IKBIP: variants seen among roughly 807,000 people sequenced by gnomAD.
IKBIP encodes the protein IKBKB interacting protein.
In IKBIP, 28 loss-of-function variants were observed where a neutral mutation model predicts 31.0. That is an observed-to-expected ratio of 0.90 (90% CI 0.67 to 1.24). The LOEUF is 1.24. IKBIP is among the 50% of genes most tolerant of loss of function. The probability of loss-of-function intolerance (pLI) is 0.00; values close to 1 mark genes in which losing one functional copy is unlikely to be tolerated. For missense variants in IKBIP, 453 were observed against 441.9 expected (o/e 1.03, Z -0.23); for synonymous variants, 164 against 160.3 (o/e 1.02, Z -0.17).
downstream of IKBIP, among the ~76,000 whole-genome samples, chr12:98,622,579 C>T (rs1254356023): frequency 6.6e-6 from 1 of 151,148 alleles, no homozygotes; most frequent in Non-Finnish European, 1.5e-5. Flanking sequence ...ATTTGTAGAG[C>T]TTTTGTCAAC....
intron 2 of IKBIP, among the ~76,000 whole-genome samples, chr12:98,617,914 ACTTT>A (rs1309141334): frequency 6.6e-6 from 1 of 152,212 alleles, no homozygotes; most frequent in African/African-American, 2.4e-5. Flanking sequence ...GGAAATTATA[ACTTT>A]CTATTAATAA....
At chr12:98,629,932 A>T (rs1174231854) in intron 2 of IKBIP, among the ~76,000 whole-genome samples, 1 of 152,042 alleles carries the variant, frequency 6.6e-6, no homozygotes, top group Non-Finnish European at 1.5e-5. Flanking sequence ...TTTCATTTTT[A>T]TTTACTAAAA....
At chr12:98,622,496 T>C (rs2097610927), downstream of IKBIP, among the ~76,000 whole-genome samples, 1 of 152,208 alleles carries the variant, frequency 6.6e-6, no homozygotes, top group Non-Finnish European at 1.5e-5. Flanking sequence ...CACTCCAGCC[T>C]GGGTGACAGA....
exon 3 of IKBIP, chr12:98,613,906 C>T: frequency 6.2e-7 from 1 of 1,613,770 alleles, no homozygotes; most frequent in Non-Finnish European, 8.5e-7. Flanking sequence ...CGGTTAGCGT[C>T]TTCTTAACAG....
chr12:98,632,969 T>G (rs1442676219), intron 2 of IKBIP, among the ~76,000 whole-genome samples: 1 of 152,058 alleles, frequency 6.6e-6, no homozygotes, highest in African/African-American at 2.4e-5. Flanking sequence ...CCAACTCCTT[T>G]GCAGCTCCTT....
intron 2 of IKBIP, among the ~76,000 whole-genome samples, chr12:98,615,186 AT>A (rs1016024860): frequency 6.6e-6 from 1 of 151,356 alleles, no homozygotes; most frequent in African/African-American, 2.4e-5. Context: ...CACCTCATGT[AT>A]TTTTTTTTGT....
chr12:98,618,624 T>G (rs1360158401), intron 2 of IKBIP, among the ~76,000 whole-genome samples: 2 of 101,780 alleles, frequency 2.0e-5, no homozygotes, highest in Non-Finnish European at 4.1e-5. Flanking sequence ...AGACTCTGTC[T>G]CAAAAAAAAA....
chr12:98,626,108 A>G lies in IKBIP; in HGVS notation c.956T>C (p.Met319Thr). 2 of 1,603,242 alleles carry G rather than the reference A, an allele frequency of 1.2e-6. No individual in the cohort carries two copies. Among genetic ancestry groups the G allele is most frequent in the Non-Finnish European group, 1.7e-6 (2 of 1,173,458 alleles). The change falls in exon 3 of 3, where the codon ATG becomes ACG. Residue 319 changes from methionine to threonine, a missense_variant. By Grantham distance (81) the Met-to-Thr change is moderately conservative (BLOSUM62 -1). Transcript: ENST00000299157. ...DDMLKAVSEI[M>T]EMQKTLEGIQ... The stretch of plus-strand genomic sequence containing the variant: ...TCCTTCAAGGGTTTTCTGCATCTCC[A>G]TTATTTCAGACACTGCTTTCAGCAT...
chr12:98,614,274 G>A, exon 3 of IKBIP: 1 of 1,608,714 alleles, frequency 6.2e-7, no homozygotes, highest in Non-Finnish European at 8.5e-7. Context: ...TCTTCCTGTA[G>A]ACGCTTTAGA....
chr12:98,621,951 C>T (rs1238246935), downstream of IKBIP, among the ~76,000 whole-genome samples: 1 of 152,038 alleles, frequency 6.6e-6, no homozygotes, highest in Admixed American at 6.6e-5. Context: ...TGGCGCATGC[C>T]TGTAGTCTCA....
At chr12:98,644,426 A>G in intron 1 of IKBIP, 97 bp downstream of exon 1, 1 of 1,190,126 alleles carries the variant, frequency 8.4e-7, no homozygotes. Context: ...CAGGTCTGGG[A>G]GGTTGGATCA....
chr12:98,639,454 A>G (rs1049605179), intron 1 of IKBIP, among the ~76,000 whole-genome samples: 4 of 152,196 alleles, frequency 2.6e-5, no homozygotes, highest in African/African-American at 9.7e-5. Context: ...CTATCATATC[A>G]TATGGCCTTG....
chr12:98,624,345 G>A lies in IKBIP; in HGVS notation c.*1585C>T. On this transcript the variant is annotated 3_prime_UTR_variant, in exon 3 of 3. Transcript: ENST00000299157. ...AAGAGACATTCAGAAGTCAAGAAGT[G>A]TAATTTTAAGACTGCAAAAATTAAT... 5.1e-6 allele frequency: 5 copies of A among 984,006 alleles called. No individual in the cohort carries two copies. Among genetic ancestry groups the A allele is most frequent in the Non-Finnish European group, 6.0e-6 (5 of 828,686 alleles). 61.0% of individuals were successfully genotyped at this position (984,006 alleles called of 1,614,324 possible). A position where few individuals can be genotyped will look rare whatever the true frequency, so the allele number is the denominator to read the frequency against.
chr12:98,623,952 G>C (rs1007133627), downstream of IKBIP, among the ~76,000 whole-genome samples: 1 of 150,870 alleles, frequency 6.6e-6, no homozygotes, highest in Non-Finnish European at 1.5e-5. Flanking sequence ...ATAAATACAG[G>C]ATATATCTAT....
Position 98,626,248 on chromosome 12 carries a change from A to G in IKBIP, c.816T>C (p.His272=). 1 of 1,614,136 alleles carries G rather than the reference A, an allele frequency of 6.2e-7. No homozygotes were observed. Among genetic ancestry groups the G allele is most frequent in the East Asian group, 2.2e-5 (1 of 44,882 alleles). The stretch of plus-strand genomic sequence containing the variant: ...GAATAGCACTTTCAATTGTTGGCAA[A>G]TGTGTCTTGCATTCTTCAACTTTGG... ...YEPKVEECKT[H]LPTIESAIHS... Residue 272 remains histidine (H), a synonymous_variant, in exon 3 of 3, where the codon CAT becomes CAC. Transcript: ENST00000299157.
chr12:98,635,155 C>T (rs971582148), intron 1 of IKBIP, among the ~76,000 whole-genome samples: 1 of 152,000 alleles, frequency 6.6e-6, no homozygotes, highest in Non-Finnish European at 1.5e-5. Flanking sequence ...AAGGCACCTG[C>T]CACCACGCCC....
At chr12:98,623,092 C>A (rs1277334617), downstream of IKBIP, among the ~76,000 whole-genome samples, 1 of 150,870 alleles carries the variant, frequency 6.6e-6, no homozygotes, top group Non-Finnish European at 1.5e-5. Context: ...GATTCTCCTG[C>A]CTCAGCCTCC....
At position 98,624,498 on chromosome 12, in the gene IKBIP, A is replaced by G; in HGVS notation, c.*1432T>C. 2 of 985,404 alleles carry G rather than the reference A, an allele frequency of 2.0e-6. No individual in the cohort carries two copies. Among genetic ancestry groups the G allele is most frequent in the Non-Finnish European group, 2.4e-6 (2 of 829,886 alleles). The allele number at this position is 985,404 out of a possible 1,614,324, so 61.0% of individuals were successfully genotyped here. On this transcript the variant is annotated 3_prime_UTR_variant, in exon 3 of 3. Transcript: ENST00000299157. ...CCAAAAACTTGCAAATTTACATATT[A>G]AAACTACTTGACCACAACTACCTTT...
In IKBIP at chr12:98,626,699, T is replaced by G; in HGVS notation, c.365A>C (p.Gln122Pro). 6.2e-7 allele frequency: 1 copy of G among 1,614,004 alleles called. No individual in the cohort carries two copies. Among genetic ancestry groups the G allele is most frequent in the Non-Finnish European group, 8.5e-7 (1 of 1,179,966 alleles). Residue 122 changes from glutamine (Q) to proline (P), a missense_variant, in exon 3 of 3, where the codon CAG becomes CCG. Gln to Pro is a moderately conservative substitution (Grantham distance 76). Coordinates refer to ENST00000299157, the MANE Select transcript of IKBIP (RefSeq NM_153687.4). The part of the protein sequence containing the change: ...SSMSLMTQFE[Q>P]EVSNLQDIMH... ...GATATCTTGGAGGTTGGATACTTCC[T>G]GCTCAAACTGGGTCATCAAAGACAT...
Sources: gnomAD v4.1 joint callset for allele counts (sites outside exome capture counted in the v4.1 genomes callset) on GRCh38, gnomAD v4.1.1 for gene constraint, MANE v1.5 for transcripts, NCBI Gene and HGNC (gene_info 2026-07-23, HGNC 2026-07-21) for gene names.